Variants in MAP3K2 observed in about 807,000 individuals in gnomAD.
MAP3K2 encodes the protein MAP/ERK kinase kinase 2.
A neutral mutation model predicts 80.3 loss-of-function variants in MAP3K2; 24 were observed. The ratio of observed to expected loss-of-function variants is 0.30; its 90% CI spans 0.22 to 0.42. The LOEUF (loss-of-function observed/expected upper bound fraction) is 0.42, where lower values mean the gene tolerates loss of function less well. Ranked by LOEUF, MAP3K2 falls within the 10% of genes least tolerant of loss-of-function variation. The probability of loss-of-function intolerance (pLI) is 1.00; values close to 1 mark genes in which losing one functional copy is unlikely to be tolerated. For synonymous variants in MAP3K2, 244 were observed against 253.7 expected (o/e 0.96, Z 0.36); for missense variants, 608 against 750.1 (o/e 0.81, Z 2.21).
chr2:127,347,227 G>C (rs371669646), intron 1 of MAP3K2, among the ~76,000 whole-genome samples: 3 of 152,158 alleles, frequency 2.0e-5, no homozygotes, highest in African/African-American at 7.2e-5. Flanking sequence ...TATTGTACTA[G>C]AGGTTCTAGT....
rs561203281 is a variant in MAP3K2, at chr2:127,350,922, T to C, written c.-65-7728A>G. Among the ~76,000 whole-genome samples, 60 of 152,136 alleles carry C rather than the reference T, an allele frequency of 3.9e-4. 1 individual carries two copies. Among genetic ancestry groups the C allele is most frequent in the African/African-American group, 1.4e-3 (58 of 41,472 alleles). On this transcript the variant is annotated intron_variant, in intron 1 of 16. Transcript: ENST00000682094. ...TAAAAAAAAGTGCCAACTGGTAAGG[T>C]AACACTGAGAAGAATACCACATCAC...
intron 1 of MAP3K2, among the ~76,000 whole-genome samples, chr2:127,377,647 A>G (rs1053509775): frequency 5.3e-5 from 8 of 152,234 alleles, no homozygotes; most frequent in Admixed American, 1.3e-4. Context: ...CATAGTTATT[A>G]AGTTTAAAAA....
chr2:127,370,929 T>C (rs1437984196), intron 1 of MAP3K2, among the ~76,000 whole-genome samples: 2 of 151,978 alleles, frequency 1.3e-5, no homozygotes, highest in Non-Finnish European at 2.9e-5. Flanking sequence ...TCCAATAAAC[T>C]AGAAGAAAAG....
intron 15 of MAP3K2, 62 bp downstream of exon 15, chr2:127,314,692 C>T: frequency 7.6e-7 from 1 of 1,309,856 alleles, no homozygotes; most frequent in Non-Finnish European, 1.1e-6. Flanking sequence ...ACCCACATCA[C>T]TTGTTTCATT....
intron 1 of MAP3K2, among the ~76,000 whole-genome samples, chr2:127,373,179 C>CGGGAGAAA: frequency 6.6e-6 from 1 of 152,308 alleles, no homozygotes; most frequent in Non-Finnish European, 1.5e-5. Flanking sequence ...CAGGCTTTCT[C>CGGGAGAAA]CCCAGTAGAA....
At position 127,353,333 on chromosome 2, in the gene MAP3K2, C is replaced by T. The variant is rs184679761; in HGVS notation, c.-65-10139G>A. Among the ~76,000 whole-genome samples the T allele has an allele frequency of 8.4e-4, 127 of 151,326 alleles. 3 individuals carry two copies. The East Asian group carries it at 0.02, about 24-fold the overall frequency. On this transcript the variant is annotated intron_variant, in intron 1 of 16. Transcript: ENST00000682094. The stretch of plus-strand genomic sequence containing the variant: ...GCCGCCCCGTCTGGGATGTGAGGAG[C>T]GCCTCCGCCCGGCCGTGACCCCGTC...
In MAP3K2 at chr2:127,341,722, T is replaced by C. The variant is rs529400005; in HGVS notation, c.4+1404A>G. On this transcript the variant is annotated intron_variant, in intron 2 of 16. Transcript: ENST00000682094. ...TAATTTTTTGTATTTTTAGTAGAGA[T>C]GGGGTTTCACTGTGTTAGCCAGGAT... Among the ~76,000 whole-genome samples the C allele has an allele frequency of 7.9e-5, 12 of 151,616 alleles. No homozygotes were observed. The South Asian group carries it at 2.1e-3, about 26-fold the overall frequency.
intron 4 of MAP3K2, 56 bp downstream of exon 4, chr2:127,337,682 T>C (rs1686399955): frequency 1.9e-6 from 2 of 1,029,756 alleles, no homozygotes; most frequent in Non-Finnish European, 2.9e-6. Context: ...AAAAGCTTAA[T>C]TAGAATACAC....
At chr2:127,378,798 A>T (rs745505719) in intron 1 of MAP3K2, among the ~76,000 whole-genome samples, 11 of 151,758 alleles carry the variant, frequency 7.2e-5, no homozygotes, top group Non-Finnish European at 1.3e-4. Flanking sequence ...ATGGGGTCTC[A>T]CTCTGTTACC....
intron 7 of MAP3K2, among the ~76,000 whole-genome samples, chr2:127,328,726 C>T (rs1686193708): frequency 6.6e-6 from 1 of 152,192 alleles, no homozygotes. Flanking sequence ...CATAAAATAG[C>T]TTCTTCTGGG....
At chr2:127,354,615 G>A (rs539910234) in intron 1 of MAP3K2, among the ~76,000 whole-genome samples, 3 of 152,146 alleles carry the variant, frequency 2.0e-5, no homozygotes, top group Admixed American at 1.3e-4. Flanking sequence ...AGAGCAAGAC[G>A]CAAAGGATCT....
At chr2:127,354,257 G>T (rs76607213) in intron 1 of MAP3K2, among the ~76,000 whole-genome samples, 4 of 85,032 alleles carry the variant, frequency 4.7e-5, no homozygotes, top group East Asian at 3.5e-4. Context: ...AAAAAAGAAA[G>T]AAATATCATT....
intron 1 of MAP3K2, among the ~76,000 whole-genome samples, chr2:127,346,519 G>A (rs2104854353): frequency 6.7e-6 from 1 of 148,252 alleles, no homozygotes; most frequent in Admixed American, 6.7e-5. Context: ...GAAAACTAAA[G>A]ATCAATATCT....
chr2:127,349,099 G>GA (rs1427659187), intron 1 of MAP3K2, among the ~76,000 whole-genome samples: 2 of 151,670 alleles, frequency 1.3e-5, no homozygotes, highest in Admixed American at 6.6e-5. Flanking sequence ...AATTATCAAA[G>GA]AAAAAATGTA....
intron 5 of MAP3K2, among the ~76,000 whole-genome samples, 162 bp downstream of exon 5, chr2:127,335,708 A>G (rs895896985): frequency 3.3e-5 from 5 of 152,258 alleles, no homozygotes; most frequent in African/African-American, 1.2e-4. Context: ...CCACAATGAA[A>G]TAAATCCATT....
intron 2 of MAP3K2, among the ~76,000 whole-genome samples, chr2:127,342,121 G>C (rs1001408262): frequency 2.0e-5 from 3 of 152,104 alleles, no homozygotes; most frequent in African/African-American, 4.8e-5. Context: ...TCGATACATA[G>C]AGTACAAGTG....
intron 11 of MAP3K2, among the ~76,000 whole-genome samples, chr2:127,323,344 G>C (rs1412948177): frequency 6.7e-6 from 1 of 149,220 alleles, no homozygotes; most frequent in African/African-American, 2.5e-5. Flanking sequence ...TGACAGAACA[G>C]AGTGAGACTC....
intron 14 of MAP3K2, among the ~76,000 whole-genome samples, chr2:127,316,238 G>A (rs1239515924): frequency 6.6e-6 from 1 of 152,100 alleles, no homozygotes; most frequent in Non-Finnish European, 1.5e-5. Flanking sequence ...GCTGGGTGTG[G>A]TGGCATGCAC....
rs1685754970 is a variant in MAP3K2 at position 127,308,682 on chromosome 2, G to C, written c.1537C>G (p.Leu513Val). The C allele has an allele frequency of 7.4e-6, 12 of 1,613,950 alleles. No homozygotes were observed. The highest frequency in any genetic ancestry group is 9.3e-6 in the Non-Finnish European group (11 of 1,179,856). Residue 513 changes from leucine (L) to valine (V), a missense_variant, in exon 16 of 17, where the codon CTC (leucine) becomes GTC (valine). Physicochemically the swap from Leu to Val is conservative, Grantham distance 32 (BLOSUM62 1). Coordinates refer to ENST00000682094, the MANE Select transcript of MAP3K2 (RefSeq NM_001371910.2). ...ACAGACTTCATTCCTGTCCCTGAGA[G>C]ACAGATGGTCTGAAGCCGTTTGCTG... Reference protein sequence around the residue: ...GASKRLQTICLSGTGMKSVTG... With the variant: ...GASKRLQTICVSGTGMKSVTG...
Sources: allele counts gnomAD v4.1 joint callset (sites outside exome capture counted in the v4.1 genomes callset), GRCh38; gene constraint gnomAD v4.1.1; transcripts MANE v1.5; gene names NCBI Gene and HGNC (gene_info 2026-07-23, HGNC 2026-07-21).